Variants in LDB2 observed in about 807,000 individuals in gnomAD.
The protein encoded by LDB2 is LIM domain-binding protein 2.
LDB2 carries 12 observed loss-of-function variants against 44.3 expected under a neutral mutation model. The ratio of observed to expected loss-of-function variants is 0.27; its 90% confidence interval spans 0.17 to 0.44. The LOEUF is 0.44. Ranked by LOEUF, LDB2 falls within the 20% of genes least tolerant of loss-of-function variation. LDB2 has a pLI of 1.00. For synonymous variants in LDB2, 164 were observed against 174.8 expected (o/e 0.94, Z 0.49); for missense variants, 344 against 473.5 (o/e 0.73, Z 2.54).
intron 1 of LDB2, among the ~76,000 whole-genome samples, chr4:16,867,165 G>A (rs937821110): frequency 6.6e-6 from 1 of 152,190 alleles, no homozygotes; most frequent in Non-Finnish European, 1.5e-5. Context: ...ATGGGAATGA[G>A]CAAGCCCTCA....
chr4:16,757,300 G>C (rs1396118764), intron 2 of LDB2, among the ~76,000 whole-genome samples: 1 of 152,176 alleles, frequency 6.6e-6, no homozygotes, highest in Non-Finnish European at 1.5e-5. Flanking sequence ...GATGAGACTC[G>C]GCTCAAGACC....
At chr4:16,812,661 G>GTGTGTT (rs1447838379) in intron 1 of LDB2, among the ~76,000 whole-genome samples, 1 of 147,514 alleles carries the variant, frequency 6.8e-6, no homozygotes, top group African/African-American at 2.5e-5. Context: ...GTGTGTGTGT[G>GTGTGTT]TGTATTTAAA....
intron 2 of LDB2, among the ~76,000 whole-genome samples, chr4:16,712,503 G>T (rs2152664091): frequency 6.6e-6 from 1 of 152,220 alleles, no homozygotes; most frequent in Non-Finnish European, 1.5e-5. Context: ...AGTGAGCCAA[G>T]ATTGCACCAC....
chr4:16,617,227 T>G (rs1346136077), intron 2 of LDB2, among the ~76,000 whole-genome samples: 1 of 151,948 alleles, frequency 6.6e-6, no homozygotes, highest in Non-Finnish European at 1.5e-5. Context: ...GGAGATCAGA[T>G]GGGACAGGCA....
intron 5 of LDB2, among the ~76,000 whole-genome samples, chr4:16,560,807 A>G (rs1048457860): frequency 1.3e-5 from 2 of 152,224 alleles, no homozygotes; most frequent in African/African-American, 4.8e-5. Context: ...ACATTAATGC[A>G]AAAAGCCTCA....
At chr4:16,800,733 G>A (rs1229627824) in intron 1 of LDB2, among the ~76,000 whole-genome samples, 2 of 152,214 alleles carry the variant, frequency 1.3e-5, no homozygotes, top group Non-Finnish European at 2.9e-5. Flanking sequence ...GGAGTGCAGT[G>A]GCGCAATCTC....
intron 5 of LDB2, among the ~76,000 whole-genome samples, chr4:16,580,400 G>C (rs1269245721): frequency 6.6e-6 from 1 of 152,166 alleles, no homozygotes; most frequent in Non-Finnish European, 1.5e-5. Flanking sequence ...GATATCCTTA[G>C]GAAAATTAGG....
Position 16,849,346 on chromosome 4 carries a change from T to C in LDB2, c.132+49008A>G, listed in dbSNP as rs547920879. Among the ~76,000 whole-genome samples, 11 of 152,340 alleles carry C rather than the reference T, an allele frequency of 7.2e-5. No individual in the cohort carries two copies. In the South Asian group the frequency reaches 2.3e-3, roughly 32 times the overall value. ...CTTTTGCTTCTTGCTATCATATTTC[T>C]TTTTCTTTTAAAAATTGATTTCTTC... On this transcript the variant is annotated intron_variant, in intron 1 of 7. Transcript: ENST00000304523.
chr4:16,551,923 CCT>C (rs1222653679), intron 5 of LDB2, among the ~76,000 whole-genome samples: 1 of 152,096 alleles, frequency 6.6e-6, no homozygotes, highest in African/African-American at 2.4e-5. Flanking sequence ...ATGCAAATAT[CCT>C]CTCTTCATTC....
At chr4:16,550,217 T>C (rs1177227426) in intron 5 of LDB2, among the ~76,000 whole-genome samples, 1 of 152,254 alleles carries the variant, frequency 6.6e-6, no homozygotes, top group Non-Finnish European at 1.5e-5. Flanking sequence ...TGTTGGCATA[T>C]CACTTTCTGT....
At chr4:16,509,905 C>T (rs1002443921) in intron 6 of LDB2, among the ~76,000 whole-genome samples, 3 of 152,194 alleles carry the variant, frequency 2.0e-5, no homozygotes, top group Middle Eastern at 3.4e-3. Context: ...TGTTTGAGCC[C>T]AGGAATTCGA....
chr4:16,884,586 C>T (rs1721101560), intron 1 of LDB2, among the ~76,000 whole-genome samples: 1 of 152,160 alleles, frequency 6.6e-6, no homozygotes, highest in South Asian at 2.1e-4. Context: ...TTTCCACCAC[C>T]CTTCTCTAAT....
chr4:16,888,248 T>C (rs1722329777), intron 1 of LDB2, among the ~76,000 whole-genome samples: 1 of 152,238 alleles, frequency 6.6e-6, no homozygotes, highest in East Asian at 1.9e-4. Flanking sequence ...CAGACAGCCC[T>C]GCAAAGACAC....
At chr4:16,679,236 T>A (rs193080214) in intron 2 of LDB2, among the ~76,000 whole-genome samples, 1 of 152,124 alleles carries the variant, frequency 6.6e-6, no homozygotes. Flanking sequence ...ATGATTCTTT[T>A]AATTTTTGAT....
intron 2 of LDB2, among the ~76,000 whole-genome samples, chr4:16,691,357 G>A (rs76396158): frequency 7.9e-4 from 120 of 152,290 alleles, no homozygotes; most frequent in Non-Finnish European, 1.5e-3. Context: ...ACCATGACAT[G>A]GAACAGCTTT....
At chr4:16,706,906 A>G (rs1333165748) in intron 2 of LDB2, among the ~76,000 whole-genome samples, 1 of 152,172 alleles carries the variant, frequency 6.6e-6, no homozygotes, top group Non-Finnish European at 1.5e-5. Context: ...TAAGTAGTGT[A>G]CGAGCATAGC....
Position 16,582,899 on chromosome 4 carries a change from C to G in LDB2, c.615+3023G>C, listed in dbSNP as rs956025503. On this transcript the variant is annotated intron_variant, in intron 5 of 7. Coordinates refer to ENST00000304523, the MANE Select transcript of LDB2 (RefSeq NM_001290.5). This position sits in a 1 kb window ranked among gnomAD's most constrained non-coding sequence, Gnocchi z 4.8. ...GCTGGGATGCGACAGGAGGGAACGA[C>G]AAGAGGGAACAGCAGGTGATTTGAT... Among the ~76,000 whole-genome samples, 3 of 152,142 alleles carry G rather than the reference C, an allele frequency of 2.0e-5. No homozygotes were observed. The highest frequency in any genetic ancestry group is 7.2e-5 in the African/African-American group (3 of 41,424).
At chr4:16,721,715 C>A (rs770004138) in intron 2 of LDB2, among the ~76,000 whole-genome samples, 1 of 152,110 alleles carries the variant, frequency 6.6e-6, no homozygotes, top group Non-Finnish European at 1.5e-5. Context: ...TGATCCTAAC[C>A]ACAGAGGAAG....
chr4:16,863,985 T>C (rs1243841237), intron 1 of LDB2, among the ~76,000 whole-genome samples: 1 of 152,142 alleles, frequency 6.6e-6, no homozygotes, highest in Non-Finnish European at 1.5e-5. Context: ...TGTTGCCTGG[T>C]TGGATGAAGA....
Sources: allele counts gnomAD v4.1 joint callset (sites outside exome capture counted in the v4.1 genomes callset), GRCh38; gene constraint gnomAD v4.1.1; non-coding constraint Gnocchi (gnomAD v3.1); transcripts MANE v1.5; gene names NCBI Gene and HGNC (gene_info 2026-07-23, HGNC 2026-07-21).